TMC5: variants seen among roughly 807,000 people sequenced by gnomAD.
TMC5 encodes transmembrane channel like 5, also known as transmembrane channel-like protein 5.
Under a neutral mutation model 110.5 loss-of-function variants are expected in TMC5, and 86 were observed. That is an observed-to-expected ratio of 0.78 (90% CI 0.65 to 0.93). TMC5 has a LOEUF of 0.93. Among genes scored for constraint, TMC5 ranks in the 40% least tolerant of loss-of-function variants. The pLI is 0.00. For missense variants in TMC5, 1,144 were observed against 1,222.8 expected (o/e 0.94, Z 0.96); for synonymous variants, 455 against 439.5 (o/e 1.04, Z -0.44).
Position 19,460,218 on chromosome 16 carries a change from A to G in TMC5, c.1049-17A>G, listed in dbSNP as rs550041611. On this transcript the variant is annotated splice_polypyrimidine_tract_variant and intron_variant, in intron 5 of 21. Transcript: ENST00000542583. ...TTAAAGAAAAAAGAAATTAAATTCC[A>G]TTAATTTCTTTCATAGGACAGAAGT... The G allele has an allele frequency of 4.5e-6, 7 of 1,568,006 alleles. No homozygotes were observed. Among genetic ancestry groups the G allele is most frequent in the South Asian group, 2.3e-5 (2 of 87,752 alleles).
chr16:19,466,152 G>A lies in TMC5; in HGVS notation c.1556G>A (p.Gly519Glu). The A allele has an allele frequency of 6.2e-7, 1 of 1,614,072 alleles. No individual in the cohort carries two copies. The highest frequency in any genetic ancestry group is 8.5e-7 in the Non-Finnish European group (1 of 1,180,028). The change falls in exon 9 of 22, where the codon GGG becomes GAG. Residue 519 changes from glycine (G) to glutamate (E), a missense_variant. Gly to Glu is a moderately conservative substitution (Grantham distance 98). Transcript: ENST00000542583. ...TNSTIQHGNS[G>E]ASYNMQLAYI... ...TCCACCATCCAGCACGGGAACAGCG[G>A]GGCATCCTACAACATGCAGCTGGCC...
Position 19,474,224 on chromosome 16 carries a change from C to T in TMC5, c.2038C>T (p.Leu680Phe). 1.9e-6 allele frequency: 3 copies of T among 1,614,092 alleles called. No individual in the cohort carries two copies. The highest frequency in any genetic ancestry group is 2.2e-5 in the East Asian group (1 of 44,872). The change falls in exon 12 of 22, where the codon CTT (leucine) becomes TTT (phenylalanine). Residue 680 changes from leucine (L) to phenylalanine (F), a missense_variant. Physicochemically the swap from Leu to Phe is conservative, Grantham distance 22. Transcript: ENST00000542583. ...AVPCIYSMFRLVERYEMPRHE... is the reference protein window; with the variant it reads ...AVPCIYSMFRFVERYEMPRHE... ...GCCATGCATCTACTCCATGTTCAGG[C>T]TTGTGGAGAGGTACGAGATGCCACG...
intron 13 of TMC5, 43 bp from the exon 14 acceptor site, chr16:19,479,388 G>A: frequency 7.0e-7 from 1 of 1,432,778 alleles, no homozygotes. Context: ...TTGAGCTGAG[G>A]CCACAGCCCC....
At chr16:19,487,074 G>T in intron 16 of TMC5, 54 bp downstream of exon 16, 1 of 1,610,780 alleles carries the variant, frequency 6.2e-7, no homozygotes, top group Non-Finnish European at 8.5e-7. Flanking sequence ...CCTGTGACCT[G>T]GTGGCGCTTA....
chr16:19,465,801 G>C (rs1017482074), intron 8 of TMC5, among the ~76,000 whole-genome samples: 1 of 152,208 alleles, frequency 6.6e-6, no homozygotes, highest in Non-Finnish European at 1.5e-5. Context: ...GGTGAAACGA[G>C]AGGCCTGGCT....
intron 1 of TMC5, among the ~76,000 whole-genome samples, chr16:19,419,067 G>A (rs574704041): frequency 5.9e-5 from 9 of 152,258 alleles, no homozygotes; most frequent in South Asian, 2.1e-4. Flanking sequence ...CAAGCCCAGC[G>A]TATGCAATCA....
chr16:19,432,259 T>C (rs1039057500), intron 2 of TMC5, among the ~76,000 whole-genome samples: 2 of 152,218 alleles, frequency 1.3e-5, no homozygotes, highest in African/African-American at 4.8e-5. Flanking sequence ...TAAGGAGTCC[T>C]CAATTAACAG....
At chr16:19,443,668 G>C (rs1967540501) in intron 3 of TMC5, among the ~76,000 whole-genome samples, 1 of 152,202 alleles carries the variant, frequency 6.6e-6, no homozygotes. Context: ...GAATGGAATG[G>C]AATGGATGGA....
In TMC5 at chr16:19,487,302, G is replaced by A; in HGVS notation, c.2549G>A (p.Cys850Tyr). 6.2e-7 allele frequency: 1 copy of A among 1,614,054 alleles called. No individual in the cohort carries two copies. The highest frequency in any genetic ancestry group is 8.5e-7 in the Non-Finnish European group (1 of 1,179,968). Residue 850 changes from cysteine to tyrosine, a missense_variant, in exon 17 of 22, where the codon TGC (cysteine) becomes TAC (tyrosine). Cys to Tyr is a radical substitution (Grantham distance 194). Coordinates refer to ENST00000542583, the MANE Select transcript of TMC5 (RefSeq NM_001261841.2). ...TTCCCATCCTTCACCGGGGTCTTGT[G>A]CACCCTGGCCATCACCATCTGGAGG... ...LFFPSFTGVL[C>Y]TLAITIWRLK...
intron 5 of TMC5, among the ~76,000 whole-genome samples, chr16:19,451,731 C>T (rs997232258): frequency 7.2e-5 from 11 of 152,058 alleles, no homozygotes; most frequent in South Asian, 4.1e-4. Context: ...AGGACAAAGG[C>T]GCAGTCCCCA....
chr16:19,481,760 A>G (rs1222435808), intron 15 of TMC5, among the ~76,000 whole-genome samples: 2 of 152,212 alleles, frequency 1.3e-5, no homozygotes, highest in African/African-American at 4.8e-5. Flanking sequence ...AACCACTGCT[A>G]TGGTCTCAAT....
intron 1 of TMC5, among the ~76,000 whole-genome samples, chr16:19,427,673 T>C (rs536091838): frequency 1.0e-3 from 153 of 152,126 alleles, no homozygotes; most frequent in African/African-American, 3.6e-3. Flanking sequence ...TAATTTTCTA[T>C]TGTGGGGAGG....
In TMC5 at chr16:19,456,926, A is replaced by G. The variant is rs182049922; in HGVS notation, c.1049-3309A>G. 8 of 1,614,224 alleles carry G rather than the reference A, an allele frequency of 5.0e-6. No homozygotes were observed. In the African/African-American group the frequency reaches 1.1e-4, roughly 22 times the overall value. ...GGGTAACCAGGTGCTGCGGTTTTCA[A>G]CATCTTTGAATGAGTCGATGTCTCA... is the stretch of plus-strand genomic sequence containing the variant. On this transcript the variant is annotated intron_variant, in intron 5 of 21. Coordinates refer to ENST00000542583, the MANE Select transcript of TMC5 (RefSeq NM_001261841.2).
intron 14 of TMC5, 28 bp downstream of exon 14, chr16:19,479,556 A>G: frequency 2.7e-6 from 4 of 1,501,632 alleles, no homozygotes; most frequent in Non-Finnish European, 3.7e-6. Flanking sequence ...TTAAGTAATT[A>G]GGGCCTGATG....
In TMC5 at chr16:19,477,484, A is replaced by G. The variant is rs1968517360; in HGVS notation, c.2135A>G (p.Tyr712Cys). The G allele has an allele frequency of 1.9e-6, 3 of 1,613,010 alleles. No individual in the cohort carries two copies. The highest frequency in any genetic ancestry group is 2.5e-6 in the Non-Finnish European group (3 of 1,179,442). Residue 712 changes from tyrosine to cysteine, a missense_variant, in exon 13 of 22, where the codon TAT becomes TGT. Transcript: ENST00000542583. The stretch of plus-strand genomic sequence containing the variant: ...TCAATCATTGGCATTCTTTGTTACT[A>G]TTGGCTCAACACCGTGGCCCTGTCT... ...KISIIGILCY[Y>C]WLNTVALSGE...
chr16:19,411,616 C>T (rs563971412), intron 1 of TMC5: 39 of 152,336 alleles, frequency 2.6e-4, no homozygotes, highest in African/African-American at 9.4e-4. Flanking sequence ...GGATCCTTTT[C>T]CCTATCTGTG....
intron 2 of TMC5, among the ~76,000 whole-genome samples, chr16:19,431,169 T>C (rs1046760475): frequency 6.6e-6 from 1 of 152,182 alleles, no homozygotes; most frequent in Non-Finnish European, 1.5e-5. Context: ...GGATCATCAC[T>C]AGCATATAGA....
intron 9 of TMC5, among the ~76,000 whole-genome samples, chr16:19,467,045 C>T (rs1968208347): frequency 6.6e-6 from 1 of 151,920 alleles, no homozygotes; most frequent in African/African-American, 2.4e-5. Context: ...ATTCGGGAGG[C>T]TGAGGTGGGA....
In TMC5 at chr16:19,495,076, G is replaced by GCACTGGCTGGAGTGCAGT. The variant is rs2143779070; in HGVS notation, c.2931+710_2931+711insCACTGGCTGGAGTGCAGT. On this transcript the variant is annotated intron_variant, in intron 20 of 21. Coordinates refer to ENST00000542583, the MANE Select transcript of TMC5 (RefSeq NM_001261841.2). Reference sequence around the variant, plus strand: ...GTCGCCCAGGCTGGAGTGCAGTGGCGGGATCTCGGCGCACTGCAAGCTCCG... The same window carrying GCACTGGCTGGAGTGCAGT: ...GTCGCCCAGGCTGGAGTGCAGTGGCGCACTGGCTGGAGTGCAGTGGATCTCGGCGCACTGCAAGCTCCG... Among the ~76,000 whole-genome samples the GCACTGGCTGGAGTGCAGT allele has an allele frequency of 2.9e-5, 2 of 69,224 alleles. 1 individual carries two copies. The highest frequency in any genetic ancestry group is 8.0e-5 in the African/African-American group (2 of 25,156). 45.4% of individuals were successfully genotyped at this position (69,224 alleles called of 152,430 possible).
Sources: gnomAD v4.1 joint callset for allele counts (sites outside exome capture counted in the v4.1 genomes callset) on GRCh38, gnomAD v4.1.1 for gene constraint, MANE v1.5 for transcripts, NCBI Gene and HGNC (gene_info 2026-07-23, HGNC 2026-07-21) for gene names.